The following CEMIP2 variants were observed in gnomAD, a reference collection of about 807,000 sequenced individuals.
CEMIP2 encodes the protein cell surface hyaluronidase CEMIP2.
Under a neutral mutation model 146.9 loss-of-function variants are expected in CEMIP2, and 79 were observed. That is an observed-to-expected ratio of 0.54 (90% confidence interval 0.45 to 0.65). The LOEUF (loss-of-function observed/expected upper bound fraction) is 0.65. Among genes scored for constraint, CEMIP2 ranks in the 30% least tolerant of loss-of-function variants. The pLI is 0.00. For synonymous variants in CEMIP2, 601 were observed against 606.3 expected (o/e 0.99, Z 0.13); for missense variants, 1,596 against 1,696.2 (o/e 0.94, Z 1.04).
At chr9:71,714,663 AACAAG>A (rs1474055416) in intron 15 of CEMIP2, among the ~76,000 whole-genome samples, 4 of 152,252 alleles carry the variant, frequency 2.6e-5, no homozygotes, top group Non-Finnish European at 4.4e-5. Context: ...AGGAATGAGA[AACAAG>A]ACAAGTTTCT....
chr9:71,701,438 G>A lies in CEMIP2; in HGVS notation c.3195-614C>T, dbSNP rs376347578. Among the ~76,000 whole-genome samples, 7 of 152,180 alleles carry A rather than the reference G, an allele frequency of 4.6e-5. No individual in the cohort carries two copies. In the South Asian group the frequency reaches 1.0e-3, roughly 23 times the overall value. ...TTCTTAGTTTTAAGAGGATTTGAAA[G>A]AACATTAAAAAGTTGGATAAAACAG... On this transcript the variant is annotated intron_variant, in intron 18 of 23. Transcript: ENST00000377044.
At position 71,722,433 on chromosome 9, in the gene CEMIP2, C is replaced by T. The variant is rs1823259166; in HGVS notation, c.2261G>A (p.Ser754Asn). Residue 754 changes from serine (S) to asparagine (N), a missense_variant, in exon 12 of 24, where the codon AGT becomes AAT. Ser to Asn is a conservative substitution (Grantham distance 46). Transcript: ENST00000377044. ...TTAAAAGAGCCAGCTTTACCTTGCA[C>T]TATTGTCCAAACAGAGGTATTCCCT... ...DPREYLCLDN[S>N]ARFRPHQDAN... The T allele has an allele frequency of 1.2e-6, 2 of 1,612,594 alleles. No homozygotes were observed. Among genetic ancestry groups the T allele is most frequent in the Non-Finnish European group, 1.7e-6 (2 of 1,179,522 alleles).
chr9:71,728,281 G>GTATATATATATATATA (rs1228923367), intron 10 of CEMIP2, among the ~76,000 whole-genome samples: 1 of 9,254 alleles, frequency 1.1e-4, no homozygotes, highest in East Asian at 5.0e-3. Flanking sequence ...ATATATATAT[G>GTATATATATATATATA]TATATATATA....
At chr9:71,732,296 A>G (rs1823641409) in intron 7 of CEMIP2, 55 bp downstream of exon 7, 2 of 1,498,160 alleles carry the variant, frequency 1.3e-6, no homozygotes. Flanking sequence ...CAGTTTCTTC[A>G]AACATATATT....
At chr9:71,728,260 CGT>C (rs1491292071) in intron 10 of CEMIP2, among the ~76,000 whole-genome samples, 6 of 6,140 alleles carry the variant, frequency 9.8e-4, no homozygotes, top group East Asian at 5.7e-3. Context: ...TGTATATACA[CGT>C]ATATATATAT....
At chr9:71,760,635 A>T (rs1824605122) in intron 1 of CEMIP2, among the ~76,000 whole-genome samples, 1 of 143,892 alleles carries the variant, frequency 6.9e-6, no homozygotes, top group African/African-American at 2.4e-5. Flanking sequence ...TCATGCCCAA[A>T]AAAAGAAAAA....
chr9:71,730,799 T>A lies in CEMIP2; in HGVS notation c.1679A>T (p.Lys560Ile). 1 of 1,614,210 alleles carries A rather than the reference T, an allele frequency of 6.2e-7. No homozygotes were observed. Among genetic ancestry groups the A allele is most frequent in the Non-Finnish European group, 8.5e-7 (1 of 1,180,044 alleles). The change falls in exon 8 of 24, where the codon AAA (lysine) becomes ATA (isoleucine). Residue 560 changes from lysine to isoleucine, a missense_variant. Transcript: ENST00000377044. ...AAATGTTGCATGTCTGTATCCTCCT[T>A]TATAATCCACGTCACCACACAGGTG... ...HFHLCGDVDY[K>I]GGYRHATFVD...
chr9:71,685,295 A>C lies in CEMIP2; in HGVS notation c.4054T>G (p.Phe1352Val). 1 of 1,611,864 alleles carries C rather than the reference A, an allele frequency of 6.2e-7. No individual in the cohort carries two copies. Among genetic ancestry groups the C allele is most frequent in the Non-Finnish European group, 8.5e-7 (1 of 1,179,768 alleles). Residue 1352 changes from phenylalanine (F) to valine (V), a missense_variant, in exon 24 of 24, where the codon TTC (phenylalanine) becomes GTC (valine). Coordinates refer to ENST00000377044, the MANE Select transcript of CEMIP2 (RefSeq NM_013390.3). ...AGQGLGVLEQ[F>V]IPLQLDEYGC... The stretch of plus-strand genomic sequence containing the variant: ...TATTCGTCCAGCTGCAAAGGTATGA[A>C]TTGTTCAAGCACCCCAAGGCCCTGT...
intron 17 of CEMIP2, 127 bp from the exon 18 acceptor site, chr9:71,704,930 G>C (rs910772302): frequency 1.2e-5 from 10 of 836,362 alleles, no homozygotes; most frequent in Admixed American, 5.0e-5. Context: ...GCCAGACTAA[G>C]TGAGCAGCAG....
chr9:71,727,412 G>GA (rs1300947570), intron 10 of CEMIP2, among the ~76,000 whole-genome samples: 1 of 152,302 alleles, frequency 6.6e-6, no homozygotes, highest in East Asian at 1.9e-4. Context: ...AATATTTGAT[G>GA]AAAAATCAAT....
At chr9:71,718,519 T>C (rs1034920273) in intron 12 of CEMIP2, among the ~76,000 whole-genome samples, 1 of 152,186 alleles carries the variant, frequency 6.6e-6, no homozygotes, top group Non-Finnish European at 1.5e-5. Context: ...TGTTTAGATA[T>C]AGACAAAACT....
chr9:71,725,657 C>A lies in CEMIP2; in HGVS notation c.2102G>T (p.Gly701Val). 2 of 1,614,048 alleles carry A rather than the reference C, an allele frequency of 1.2e-6. No individual in the cohort carries two copies. Among genetic ancestry groups the A allele is most frequent in the East Asian group, 4.5e-5 (2 of 44,866 alleles). Residue 701 changes from glycine to valine, a missense_variant, in exon 11 of 24, where the codon GGA (glycine) becomes GTA (valine). Physicochemically the swap from Gly to Val is moderately radical, Grantham distance 109. Coordinates refer to ENST00000377044, the MANE Select transcript of CEMIP2 (RefSeq NM_013390.3). The part of the protein sequence containing the change: ...FHKEPTGESS[G>V]LQLLAKPELT... ...TTCTGGTTTTGCCAAGAGCTGCAAT[C>A]CACTGGATTCCCCAGTTGGTTCCTT...
intron 1 of CEMIP2, among the ~76,000 whole-genome samples, chr9:71,761,868 T>C (rs1311375105): frequency 6.6e-6 from 1 of 152,184 alleles, no homozygotes. Context: ...TAAATCCCTA[T>C]GAATGGAATA....
Position 71,730,756 on chromosome 9 carries a change from A to T in CEMIP2, c.1722T>A (p.Ile574=), listed in dbSNP as rs1823591653. ...RHATFVDGLS[I]HHSFSRCITV... ...TGATGCACCTTGAGAAGCTGTGATG[A>T]ATAGACAGGCCGTCCACAAATGTTG... is the stretch of plus-strand genomic sequence containing the variant. Residue 574 remains isoleucine (I), a synonymous_variant, in exon 8 of 24, where the codon ATT becomes ATA. Transcript: ENST00000377044. 1.2e-6 allele frequency: 2 copies of T among 1,614,262 alleles called. No homozygotes were observed. The highest frequency in any genetic ancestry group is 2.7e-5 in the African/African-American group (2 of 75,070).
chr9:71,756,500 TCTCTCTCACACA>T (rs1564028042), intron 1 of CEMIP2, among the ~76,000 whole-genome samples: 3 of 137,822 alleles, frequency 2.2e-5, no homozygotes, highest in African/African-American at 5.5e-5. Flanking sequence ...TCTCTCTCTC[TCTCTCTCACACA>T]CACACACACA....
intron 5 of CEMIP2, among the ~76,000 whole-genome samples, chr9:71,736,313 C>T (rs1049584704): frequency 6.6e-6 from 1 of 152,114 alleles, no homozygotes; most frequent in African/African-American, 2.4e-5. Flanking sequence ...TGGTATTGTT[C>T]ATACCTTCCC....
chr9:71,727,976 G>A lies in CEMIP2; in HGVS notation c.2049+1869C>T, dbSNP rs561203580. On this transcript the variant is annotated intron_variant, in intron 10 of 23. Coordinates refer to ENST00000377044, the MANE Select transcript of CEMIP2 (RefSeq NM_013390.3). Reference sequence around the variant, plus strand: ...CTTGGGAGGCTGAGGCAGGAGAATCGCTTGAACCCAGGAGGCGGAGGTTGC... The same window carrying A: ...CTTGGGAGGCTGAGGCAGGAGAATCACTTGAACCCAGGAGGCGGAGGTTGC... Among the ~76,000 whole-genome samples the A allele has an allele frequency of 2.0e-5, 3 of 151,910 alleles. No homozygotes were observed. In the East Asian group the frequency reaches 5.9e-4, roughly 30 times the overall value.
In CEMIP2 at chr9:71,709,261, G is replaced by A. The variant is rs754562265; in HGVS notation, c.2983C>T (p.Gln995Ter). 2 of 1,614,124 alleles carry A rather than the reference G, an allele frequency of 1.2e-6. No homozygotes were observed. The highest frequency in any genetic ancestry group is 8.5e-7 in the Non-Finnish European group (1 of 1,179,946). ...NAVICSGTYAQVYVQTWSTQN... is the reference protein window; with the variant it reads ...NAVICSGTYA ...CATTATACATTTGCTAAGCCTACCT[G>A]TGCATAGGTCCCACTGCAGATCACT... Residue 995 changes from glutamine to a stop codon, truncating the protein, a stop_gained and splice_region_variant, in exon 17 of 24, where the codon CAG (glutamine) becomes TAG (stop). Transcript: ENST00000377044. LOFTEE classifies it high-confidence loss of function.
At chr9:71,727,520 A>G (rs1823424190) in intron 10 of CEMIP2, among the ~76,000 whole-genome samples, 1 of 152,248 alleles carries the variant, frequency 6.6e-6, no homozygotes, top group Admixed American at 6.5e-5. Flanking sequence ...ATGTTTTTAA[A>G]GAAAATAACA....
Sources: gnomAD v4.1 joint callset for allele counts (sites outside exome capture counted in the v4.1 genomes callset) on GRCh38, gnomAD v4.1.1 for gene constraint, MANE v1.5 for transcripts, NCBI Gene and HGNC (gene_info 2026-07-23, HGNC 2026-07-21) for gene names.